Variants in WDTC1 observed in about 807,000 individuals in gnomAD.
WDTC1 encodes the protein WD and tetratricopeptide repeats 1, also known as WD and tetratricopeptide repeats protein 1.
WDTC1 carries 12 observed loss-of-function variants against 76.0 expected under a neutral mutation model. That is an observed-to-expected ratio of 0.16 (90% CI 0.10 to 0.26). The LOEUF is 0.26. WDTC1 is among the 10% of genes least tolerant of loss of function. WDTC1 has a pLI of 1.00. For missense variants in WDTC1, 511 were observed against 908.8 expected (o/e 0.56, Z 5.63); for synonymous variants, 326 against 350.8 (o/e 0.93, Z 0.79).
intron 7 of WDTC1, among the ~76,000 whole-genome samples, chr1:27,293,435 TAAAAAAA>T (rs35845132): frequency 7.7e-6 from 1 of 130,638 alleles, no homozygotes; most frequent in African/African-American, 2.9e-5. Context: ...CAGTCTCAAT[TAAAAAAA>T]AAAAAAAAAA....
At chr1:27,269,621 G>GTTTTTTTTTTTTTTTTTTTTTTT (rs538857228) in intron 3 of WDTC1, among the ~76,000 whole-genome samples, 1 of 126,872 alleles carries the variant, frequency 7.9e-6, no homozygotes, top group Non-Finnish European at 1.6e-5. Flanking sequence ...TTTTTTTTCG[G>GTTTTTTTTTTTTTTTTTTTTTTT]TTTTTTTTTT....
At position 27,301,425 on chromosome 1, in the gene WDTC1, G is replaced by A. The variant is rs1452595618; in HGVS notation, c.1432G>A (p.Asp478Asn). The A allele has an allele frequency of 1.9e-6, 3 of 1,613,706 alleles. No homozygotes were observed. Among genetic ancestry groups the A allele is most frequent in the African/African-American group, 1.3e-5 (1 of 74,930 alleles). Residue 478 changes from aspartate (D) to asparagine (N), a missense_variant, in exon 13 of 16, where the codon GAC (aspartate) becomes AAC (asparagine). Asp to Asn is a conservative substitution (Grantham distance 23, BLOSUM62 1). Coordinates refer to ENST00000319394, the MANE Select transcript of WDTC1 (RefSeq NM_001276252.2). The surrounding 1 kb of genome is among the most constrained non-coding windows in gnomAD (Gnocchi z 5.8). ...CAGCGCTTGTGATGCATTGGGCCGC[G>A]ACATCACAGCTGCCCTCTTCTCTAA... ...HSSACDALGRDITAALFSKND... is the reference protein window; with the variant it reads ...HSSACDALGRNITAALFSKND...
intron 3 of WDTC1, among the ~76,000 whole-genome samples, chr1:27,265,825 TAATCCCAGC>T (rs1033897030): frequency 4.6e-5 from 7 of 152,000 alleles, no homozygotes; most frequent in African/African-American, 1.7e-4. Flanking sequence ...TGTGTGCCTG[TAATCCCAGC>T]AACTTGGGAG....
At chr1:27,273,857 A>G (rs950263264) in intron 3 of WDTC1, among the ~76,000 whole-genome samples, 2 of 151,942 alleles carry the variant, frequency 1.3e-5, no homozygotes, top group Non-Finnish European at 1.5e-5. Context: ...GTAGAGAGAG[A>G]GAAAGGAGAG....
intron 5 of WDTC1, among the ~76,000 whole-genome samples, chr1:27,286,991 T>C (rs1374290667): frequency 4.0e-5 from 6 of 151,336 alleles, no homozygotes; most frequent in Admixed American, 3.9e-4. Flanking sequence ...GGTGAAACCC[T>C]GTCTCTACTA....
At chr1:27,286,124 A>G (rs1177530921) in intron 5 of WDTC1, among the ~76,000 whole-genome samples, 6 of 142,318 alleles carry the variant, frequency 4.2e-5, no homozygotes, top group African/African-American at 1.3e-4. Context: ...TCCTGCTTCA[A>G]CCTTCCGAGC....
In WDTC1 at chr1:27,260,947, T is replaced by C. The variant is rs909312471; in HGVS notation, c.-99-9T>C. On this transcript the variant is annotated splice_polypyrimidine_tract_variant and intron_variant, in intron 1 of 15. Transcript: ENST00000319394. Reference sequence around the variant, plus strand: ...CATCCTCCAAAGTTTGATGATTTTTTTCCCCCAGGTAATTAAATGTGTATT... The same window carrying C: ...CATCCTCCAAAGTTTGATGATTTTTCTCCCCCAGGTAATTAAATGTGTATT... The C allele has an allele frequency of 2.1e-5, 27 of 1,259,690 alleles. No individual in the cohort carries two copies. Among genetic ancestry groups the C allele is most frequent in the Non-Finnish European group, 2.5e-5 (22 of 884,998 alleles). 78.0% of individuals were successfully genotyped at this position (1,259,690 alleles called of 1,614,324 possible). A position where few individuals can be genotyped will look rare whatever the true frequency, so the allele number is the denominator to read the frequency against.
chr1:27,283,547 T>C lies in WDTC1; in HGVS notation c.291+98T>C, dbSNP rs1557498423. 4.8e-6 allele frequency: 5 copies of C among 1,047,212 alleles called. No homozygotes were observed. In the African/African-American group the frequency reaches 6.3e-5, roughly 13 times the overall value. 64.9% of individuals were successfully genotyped at this position (1,047,212 alleles called of 1,614,324 possible). A position where few individuals can be genotyped will look rare whatever the true frequency, so the allele number is the denominator to read the frequency against. ...CATGTTGGTATGTGTGTGTCCCATA[T>C]ACCGTCTAGGGTCACAGACAACCTT... On this transcript the variant is annotated intron_variant, in intron 5 of 15. Coordinates refer to ENST00000319394, the MANE Select transcript of WDTC1 (RefSeq NM_001276252.2).
At chr1:27,275,929 C>T (rs2013014241) in intron 3 of WDTC1, among the ~76,000 whole-genome samples, 1 of 152,182 alleles carries the variant, frequency 6.6e-6, no homozygotes. Context: ...CCCCAGAAAC[C>T]ACTAATCTAT....
At position 27,288,369 on chromosome 1, in the gene WDTC1, T is replaced by TA. The variant is rs1226545534; in HGVS notation, c.479+509dup. Among the ~76,000 whole-genome samples the TA allele has an allele frequency of 1.2e-3, 180 of 151,844 alleles. 1 individual carries two copies. The highest frequency in any genetic ancestry group is 4.2e-3 in the African/African-American group (176 of 41,444). ...ATTTTTATTTATTTATTTTTTTTTT[T>TA]ATTGATCATTCTTGGGTGTTTCTCG... On this transcript the variant is annotated intron_variant, in intron 6 of 15. Transcript: ENST00000319394.
intron 1 of WDTC1, among the ~76,000 whole-genome samples, chr1:27,237,961 TA>T (rs1351955137): frequency 6.6e-6 from 1 of 152,196 alleles, no homozygotes; most frequent in Admixed American, 6.6e-5. Flanking sequence ...GGATATGTCC[TA>T]AAAAGTGACT....
chr1:27,299,107 G>A (rs1011781833), intron 12 of WDTC1, among the ~76,000 whole-genome samples: 1 of 152,198 alleles, frequency 6.6e-6, no homozygotes, highest in Non-Finnish European at 1.5e-5. Flanking sequence ...AGAACTCAGT[G>A]GTCCTCATCC....
chr1:27,261,043 C>T lies in WDTC1; in HGVS notation c.-12C>T, dbSNP rs779893138. The T allele has an allele frequency of 1.9e-6, 3 of 1,613,988 alleles. No individual in the cohort carries two copies. In the Admixed American group the frequency reaches 5.0e-5, roughly 27 times the overall value. On this transcript the variant is annotated 5_prime_UTR_variant, in exon 2 of 16. Transcript: ENST00000319394. ...CTATTATAGCTTCCTTCTGTTGAAC[C>T]ATTAAGAAAAGATGGCGAAAGTCAA...
intron 1 of WDTC1, among the ~76,000 whole-genome samples, chr1:27,248,029 T>A (rs1226789962): frequency 6.6e-6 from 1 of 152,244 alleles, no homozygotes; most frequent in African/African-American, 2.4e-5. Context: ...GTACCACATC[T>A]TCTTTATCCC....
intron 14 of WDTC1, chr1:27,304,722 G>A (rs564644055): frequency 1.6e-4 from 49 of 309,782 alleles, no homozygotes; most frequent in South Asian, 2.4e-4. Context: ...TTGGAGACCC[G>A]AGAGATGATG....
chr1:27,240,972 CA>C (rs10683474), intron 1 of WDTC1, among the ~76,000 whole-genome samples: 2 of 137,374 alleles, frequency 1.5e-5, no homozygotes, highest in African/African-American at 5.4e-5. Flanking sequence ...GACTCCATCT[CA>C]AAAAAAAAAA....
intron 3 of WDTC1, among the ~76,000 whole-genome samples, chr1:27,277,521 T>G (rs2013065610): frequency 6.6e-6 from 1 of 151,862 alleles, no homozygotes; most frequent in Non-Finnish European, 1.5e-5. Flanking sequence ...GGTCTCAAAC[T>G]CTTAGTCTCA....
At chr1:27,250,625 T>C (rs148694991) in intron 1 of WDTC1, among the ~76,000 whole-genome samples, 1 of 152,280 alleles carries the variant, frequency 6.6e-6, no homozygotes, top group Non-Finnish European at 1.5e-5. Flanking sequence ...CCCAGGTGCC[T>C]AAGTATTATA....
chr1:27,293,293 G>C (rs1302836036), intron 7 of WDTC1, among the ~76,000 whole-genome samples: 2 of 151,072 alleles, frequency 1.3e-5, no homozygotes, highest in African/African-American at 4.8e-5. Context: ...TTAGCCGGGC[G>C]TGGTGGCGGG....
Sources: allele counts gnomAD v4.1 joint callset (sites outside exome capture counted in the v4.1 genomes callset), GRCh38; gene constraint gnomAD v4.1.1; non-coding constraint Gnocchi (gnomAD v3.1); transcripts MANE v1.5; gene names NCBI Gene and HGNC (gene_info 2026-07-23, HGNC 2026-07-21).